SLC44A5: variants seen among roughly 807,000 people sequenced by gnomAD.
The protein encoded by SLC44A5 is choline transporter-like protein 5.
Under a neutral mutation model 101.8 loss-of-function variants are expected in SLC44A5, and 57 were observed. The observed-to-expected ratio is 0.56, with a 90% CI of 0.45 to 0.70. The LOEUF (loss-of-function observed/expected upper bound fraction) is 0.70. Among genes scored for constraint, SLC44A5 ranks in the 30% least tolerant of loss-of-function variants. The pLI is 0.00. For missense variants in SLC44A5, 737 were observed against 853.1 expected (o/e 0.86, Z 1.70); for synonymous variants, 281 against 290.9 (o/e 0.97, Z 0.35).
chr1:75,525,873 A>G (rs1670381936), intron 2 of SLC44A5, among the ~76,000 whole-genome samples: 1 of 152,244 alleles, frequency 6.6e-6, no homozygotes, highest in Admixed American at 6.5e-5. Context: ...ATGGCAAAAC[A>G]TGAATAACCG....
chr1:75,280,613 G>T (rs1269796141), intron 5 of SLC44A5, among the ~76,000 whole-genome samples: 1 of 149,174 alleles, frequency 6.7e-6, no homozygotes, highest in Non-Finnish European at 1.5e-5. Context: ...ATCTTGAATT[G>T]TTATCCAAAT....
chr1:75,502,939 C>A (rs886101480), intron 2 of SLC44A5, among the ~76,000 whole-genome samples: 2 of 152,064 alleles, frequency 1.3e-5, no homozygotes, highest in African/African-American at 4.8e-5. Flanking sequence ...ACCACTCAAC[C>A]GCTCATGAGC....
chr1:75,335,707 AT>A (rs1441406707), intron 4 of SLC44A5, among the ~76,000 whole-genome samples: 2 of 152,216 alleles, frequency 1.3e-5, no homozygotes, highest in Non-Finnish European at 2.9e-5. Context: ...TACAGGTCTC[AT>A]TATGGTGACT....
chr1:75,245,337 G>C (rs1649011648), intron 7 of SLC44A5, among the ~76,000 whole-genome samples: 1 of 152,102 alleles, frequency 6.6e-6, no homozygotes, highest in Admixed American at 6.6e-5. Flanking sequence ...GAACAATTTA[G>C]GGACATTCAC....
At chr1:75,563,418 G>A (rs1672626160) in intron 1 of SLC44A5, among the ~76,000 whole-genome samples, 1 of 151,864 alleles carries the variant, frequency 6.6e-6, no homozygotes, top group African/African-American at 2.4e-5. Context: ...TGTAAAACAT[G>A]TACTTTGTCT....
At chr1:75,461,903 ACT>A (rs940134368) in intron 2 of SLC44A5, among the ~76,000 whole-genome samples, 1 of 152,028 alleles carries the variant, frequency 6.6e-6, no homozygotes, top group African/African-American at 2.4e-5. Context: ...AAGGTTTTTG[ACT>A]CTAGTTCCTG....
chr1:75,219,833 G>A lies in SLC44A5; in HGVS notation c.1145C>T (p.Ser382Leu). The A allele has an allele frequency of 6.2e-7, 1 of 1,612,940 alleles. No individual in the cohort carries two copies. The highest frequency in any genetic ancestry group is 8.5e-7 in the Non-Finnish European group (1 of 1,179,258). ...VYPALTFILL[S>L]ICICYWVVTA... ...CACGACCCAGTAGCAAATGCAGATT[G>A]AGAGCAAAATGAAAGTTAAAGCTGG... The change falls in exon 15 of 24, where the codon TCA (serine) becomes TTA (leucine). Residue 382 changes from serine to leucine, a missense_variant. Transcript: ENST00000370859.
chr1:75,294,357 A>C (rs1653796662), intron 5 of SLC44A5, among the ~76,000 whole-genome samples: 1 of 152,212 alleles, frequency 6.6e-6, no homozygotes, highest in African/African-American at 2.4e-5. Flanking sequence ...TGGAGAAAAA[A>C]GGAATTCTTG....
chr1:75,663,204 T>C, the SLC44A5 span, among the ~76,000 whole-genome samples: 1 of 152,136 alleles, frequency 6.6e-6, no homozygotes, highest in Non-Finnish European at 1.5e-5. Context: ...ATCTTAACCC[T>C]CAATGTGATG....
At chr1:75,450,651 G>A (rs1361486082) in intron 2 of SLC44A5, among the ~76,000 whole-genome samples, 1 of 152,188 alleles carries the variant, frequency 6.6e-6, no homozygotes, top group Middle Eastern at 3.2e-3. Flanking sequence ...TTGAAGACAT[G>A]AAACGGGTCT....
intron 4 of SLC44A5, among the ~76,000 whole-genome samples, chr1:75,306,647 A>C (rs1654919700): frequency 6.7e-6 from 1 of 150,234 alleles, no homozygotes; most frequent in African/African-American, 2.5e-5. Context: ...ACTAGCTCTT[A>C]TTCTCCAACA....
the SLC44A5 span, among the ~76,000 whole-genome samples, chr1:75,699,522 C>T: frequency 1.3e-5 from 2 of 149,784 alleles, no homozygotes; most frequent in African/African-American, 4.9e-5. Context: ...TGGAAAGGAA[C>T]AACTGGTACC....
chr1:75,213,836 A>C, intron 21 of SLC44A5, 43 bp from the exon 22 acceptor site: 2 of 1,558,928 alleles, frequency 1.3e-6, no homozygotes, highest in East Asian at 4.5e-5. Flanking sequence ...CTTTTGCAAA[A>C]GAATATAGTT....
At chr1:75,703,199 A>G in the SLC44A5 span, among the ~76,000 whole-genome samples, 1 of 151,740 alleles carries the variant, frequency 6.6e-6, no homozygotes, top group African/African-American at 2.4e-5. Flanking sequence ...TGCTATGAAG[A>G]CACATGCACA....
chr1:75,447,006 T>C (rs1665620001), intron 2 of SLC44A5, among the ~76,000 whole-genome samples: 2 of 152,140 alleles, frequency 1.3e-5, no homozygotes, highest in African/African-American at 4.8e-5. Flanking sequence ...TGAACTTCCA[T>C]TTGCCATAAG....
chr1:75,676,869 C>T, the SLC44A5 span, among the ~76,000 whole-genome samples: 1 of 151,978 alleles, frequency 6.6e-6, no homozygotes. Context: ...ATTCTAAAAG[C>T]AGAAAGAGAA....
intron 6 of SLC44A5, among the ~76,000 whole-genome samples, chr1:75,269,909 T>C (rs1651325079): frequency 6.6e-6 from 1 of 152,202 alleles, no homozygotes; most frequent in African/African-American, 2.4e-5. Flanking sequence ...TGGGAGATAA[T>C]TGAATGGTGG....
intron 3 of SLC44A5, among the ~76,000 whole-genome samples, chr1:75,359,043 T>A (rs1659287727): frequency 6.6e-6 from 1 of 152,052 alleles, no homozygotes; most frequent in African/African-American, 2.4e-5. Context: ...CTCTCTTTTA[T>A]GAGTTTGACA....
intron 4 of SLC44A5, among the ~76,000 whole-genome samples, chr1:75,319,117 A>G (rs1021126616): frequency 6.6e-6 from 1 of 152,192 alleles, no homozygotes; most frequent in African/African-American, 2.4e-5. Context: ...GCTGGTAAAC[A>G]GTACATTATG....
Sources: gnomAD v4.1 joint callset for allele counts (sites outside exome capture counted in the v4.1 genomes callset) on GRCh38, gnomAD v4.1.1 for gene constraint, MANE v1.5 for transcripts, NCBI Gene and HGNC (gene_info 2026-07-23, HGNC 2026-07-21) for gene names.